Variants in RYR3 observed in about 807,000 individuals in gnomAD.
RYR3 encodes the protein ryanodine receptor 3.
A neutral mutation model predicts 584.3 loss-of-function variants in RYR3; 207 were observed. That is an observed-to-expected ratio of 0.35 (90% CI 0.32 to 0.40). The LOEUF is 0.40. Among genes scored for constraint, RYR3 ranks in the 10% least tolerant of loss-of-function variants. The pLI is 1.00. For missense variants in RYR3, 5,616 were observed against 6,089.2 expected (o/e 0.92, Z 2.59); for synonymous variants, 2,416 against 2,248.5 (o/e 1.07, Z -2.11).
chr15:33,467,086 A>G (rs902033144), intron 1 of RYR3, among the ~76,000 whole-genome samples: 1 of 152,240 alleles, frequency 6.6e-6, no homozygotes, highest in South Asian at 2.1e-4. Flanking sequence ...CCATATCTTC[A>G]TATATTTAGA....
At chr15:33,438,633 C>T (rs1035366522) in intron 1 of RYR3, among the ~76,000 whole-genome samples, 15 of 152,312 alleles carry the variant, frequency 9.8e-5, no homozygotes, top group Admixed American at 3.9e-4. Context: ...AGGGTAGTTT[C>T]ACCACATTGT....
At position 33,854,746 on chromosome 15, in the gene RYR3, C is replaced by G. The variant is rs189400814; in HGVS notation, c.13861-20C>G. 1 of 1,583,718 alleles carries G rather than the reference C, an allele frequency of 6.3e-7. No individual in the cohort carries two copies. Among genetic ancestry groups the G allele is most frequent in the African/African-American group, 1.4e-5 (1 of 73,248 alleles). On this transcript the variant is annotated intron_variant, in intron 97 of 103. Coordinates refer to ENST00000634891, the MANE Select transcript of RYR3 (RefSeq NM_001036.6). ...CTATGAGGCAAACATGCTTAAAAGTCTGCTTTCTTCCATTCCCAGTCCTTT... is the reference window on the plus strand; with the variant it reads ...CTATGAGGCAAACATGCTTAAAAGTGTGCTTTCTTCCATTCCCAGTCCTTT...
chr15:33,477,602 G>A (rs537056299), intron 2 of RYR3, among the ~76,000 whole-genome samples: 28 of 142,090 alleles, frequency 2.0e-4, no homozygotes, highest in Admixed American at 9.6e-4. Flanking sequence ...AAGGCTGGGC[G>A]CGGTGGCTCA....
At chr15:33,464,012 C>T (rs1467759537) in intron 1 of RYR3, among the ~76,000 whole-genome samples, 1 of 152,092 alleles carries the variant, frequency 6.6e-6, no homozygotes, top group South Asian at 2.1e-4. Context: ...AATGACTAAT[C>T]TTTCATTCAG....
intron 1 of RYR3, among the ~76,000 whole-genome samples, chr15:33,351,939 G>GT (rs1355791357): frequency 6.6e-6 from 1 of 151,874 alleles, no homozygotes; most frequent in Non-Finnish European, 1.5e-5. Flanking sequence ...GAAATAAAGG[G>GT]TATTCAATTA....
At chr15:33,744,681 C>G (rs963478713) in intron 52 of RYR3, among the ~76,000 whole-genome samples, 3 of 152,266 alleles carry the variant, frequency 2.0e-5, no homozygotes, top group East Asian at 3.9e-4. Flanking sequence ...GAAGTAAGCG[C>G]GCTGCCGGCC....
At chr15:33,575,582 A>C (rs1193581995) in intron 12 of RYR3, among the ~76,000 whole-genome samples, 1 of 152,230 alleles carries the variant, frequency 6.6e-6, no homozygotes, top group African/African-American at 2.4e-5. Flanking sequence ...CAAAGAGACA[A>C]TGTACCAGAA....
intron 1 of RYR3, among the ~76,000 whole-genome samples, chr15:33,352,395 G>A (rs1019534812): frequency 3.9e-5 from 6 of 151,964 alleles, no homozygotes; most frequent in Non-Finnish European, 8.8e-5. Flanking sequence ...TCTGGTGCTA[G>A]GTGAGATCAA....
chr15:33,720,375 C>T (rs564728286), intron 43 of RYR3, among the ~76,000 whole-genome samples: 22 of 152,322 alleles, frequency 1.4e-4, no homozygotes, highest in African/African-American at 5.3e-4. Flanking sequence ...GCTCAGCTGC[C>T]ACCCCACCCC....
chr15:33,602,528 T>C (rs1439202464), intron 17 of RYR3, among the ~76,000 whole-genome samples: 1 of 152,144 alleles, frequency 6.6e-6, no homozygotes, highest in East Asian at 1.9e-4. Context: ...GTAAATTTTT[T>C]TTAACTTAAA....
At chr15:33,503,595 T>C (rs745548641) in intron 2 of RYR3, 36 bp from the exon 3 acceptor site, 17 of 1,235,790 alleles carry the variant, frequency 1.4e-5, no homozygotes, top group Middle Eastern at 1.9e-4. Context: ...CTGACTGATA[T>C]GAGTAGGTAT....
chr15:33,736,205 T>C lies in RYR3; in HGVS notation c.7425-30T>C, dbSNP rs760142436. On this transcript the variant is annotated intron_variant, in intron 48 of 103. Coordinates refer to ENST00000634891, the MANE Select transcript of RYR3 (RefSeq NM_001036.6). ...CCTTTATTATTATGTTTTCATTTTA[T>C]TTATCTACGTTTGTCATTTCATACT... is the stretch of plus-strand genomic sequence containing the variant. 11 of 1,372,694 alleles carry C rather than the reference T, an allele frequency of 8.0e-6. No homozygotes were observed. In the Admixed American group the frequency reaches 1.9e-4, roughly 24 times the overall value. The allele number at this position is 1,372,694 out of a possible 1,614,324, so 85.0% of individuals were successfully genotyped here.
In RYR3 at chr15:33,773,606, A is replaced by T; in HGVS notation, c.9128A>T (p.Tyr3043Phe). 1 of 1,602,018 alleles carries T rather than the reference A, an allele frequency of 6.2e-7. No homozygotes were observed. Among genetic ancestry groups the T allele is most frequent in the Non-Finnish European group, 8.5e-7 (1 of 1,172,458 alleles). ...LYSLGTGKNI[Y>F]VERQRPALGE... ...TCCCTTGGGACGGGAAAGAACATTTATGTTGAAAGGTAATTAGTGAACGAA... is the reference window on the plus strand; with the variant it reads ...TCCCTTGGGACGGGAAAGAACATTTTTGTTGAAAGGTAATTAGTGAACGAA... The change falls in exon 64 of 104, where the codon TAT (tyrosine) becomes TTT (phenylalanine). Residue 3043 changes from tyrosine (Y) to phenylalanine (F), a missense_variant. Tyr to Phe is a conservative substitution (Grantham distance 22). Coordinates refer to ENST00000634891, the MANE Select transcript of RYR3 (RefSeq NM_001036.6).
intron 92 of RYR3, 43 bp downstream of exon 92, chr15:33,843,617 C>T (rs767532400): frequency 1.6e-6 from 2 of 1,243,678 alleles, no homozygotes; most frequent in African/African-American, 1.5e-5. Context: ...ATGCTGTATA[C>T]TAAGTATGCT....
At chr15:33,508,735 T>C (rs1218160918) in intron 3 of RYR3, among the ~76,000 whole-genome samples, 1 of 152,224 alleles carries the variant, frequency 6.6e-6, no homozygotes, top group Non-Finnish European at 1.5e-5. Context: ...ACAGACATCC[T>C]CACTGAGAAG....
In RYR3 at chr15:33,819,800, T is replaced by C; in HGVS notation, c.10751T>C (p.Met3584Thr). The change falls in exon 77 of 104, where the codon ATG becomes ACG. Residue 3584 changes from methionine (M) to threonine (T), a missense_variant. Coordinates refer to ENST00000634891, the MANE Select transcript of RYR3 (RefSeq NM_001036.6). ...TTGTACACCTCCTATTCCAGCATGA[T>C]GGCCAAGGTACACCCAGGTTTTCTG... ...DPLYTSYSSM[M>T]AKSCQSGEDE... is the part of the protein sequence containing the mutation. 1.9e-6 allele frequency: 3 copies of C among 1,588,418 alleles called. No homozygotes were observed. Among genetic ancestry groups the C allele is most frequent in the Non-Finnish European group, 8.6e-7 (1 of 1,165,200 alleles).
At chr15:33,653,102 A>G (rs1358446081) in intron 32 of RYR3, among the ~76,000 whole-genome samples, 6 of 152,356 alleles carry the variant, frequency 3.9e-5, no homozygotes, top group Non-Finnish European at 8.8e-5. Flanking sequence ...GGTTGATCCA[A>G]TATGCTGGTT....
At chr15:33,347,585 T>C (rs550988569) in intron 1 of RYR3, among the ~76,000 whole-genome samples, 1 of 152,124 alleles carries the variant, frequency 6.6e-6, no homozygotes, top group African/African-American at 2.4e-5. Context: ...TAGCTGGGAC[T>C]ACAGGCACCC....
At chr15:33,670,328 G>A (rs2063769396) in intron 37 of RYR3, 91 bp from the exon 38 acceptor site, 1 of 1,334,470 alleles carries the variant, frequency 7.5e-7, no homozygotes, top group African/African-American at 1.5e-5. Flanking sequence ...AGTTCCAGAA[G>A]GATGGGAAGC....
Sources: gnomAD v4.1 joint callset for allele counts (sites outside exome capture counted in the v4.1 genomes callset) on GRCh38, gnomAD v4.1.1 for gene constraint, MANE v1.5 for transcripts, NCBI Gene and HGNC (gene_info 2026-07-23, HGNC 2026-07-21) for gene names.